Variants in HK2 observed in about 807,000 individuals in gnomAD.
HK2 encodes the protein hexokinase-2.
Under a neutral mutation model 92.9 loss-of-function variants are expected in HK2, and 42 were observed. The observed-to-expected ratio is 0.45, with a 90% confidence interval of 0.35 to 0.58. The LOEUF is 0.58. HK2 is among the 20% of genes least tolerant of loss of function. The probability of loss-of-function intolerance (pLI) is 0.00; values close to 1 mark genes in which losing one functional copy is unlikely to be tolerated. For synonymous variants in HK2, 422 were observed against 468.0 expected (o/e 0.90, Z 1.27); for missense variants, 978 against 1,245.1 (o/e 0.79, Z 3.23).
intron 12 of HK2, among the ~76,000 whole-genome samples, chr2:74,882,605 T>TTTATATATATATATATATATATA (rs1553449959): frequency 4.0e-5 from 3 of 75,736 alleles, no homozygotes; most frequent in Non-Finnish European, 6.1e-5. Context: ...TCTATTGAAC[T>TTTATATATATATATATATATATA]TATATATATA....
chr2:74,863,458 C>T (rs2103920527), intron 2 of HK2, among the ~76,000 whole-genome samples: 1 of 152,266 alleles, frequency 6.6e-6, no homozygotes, highest in Non-Finnish European at 1.5e-5. Context: ...TATGGCTGAG[C>T]TCTTGAATGG....
chr2:74,886,659 C>A lies in HK2; in HGVS notation c.2205C>A (p.Asn735Lys). The change falls in exon 15 of 18, where the codon AAC (asparagine) becomes AAA (lysine). Residue 735 changes from asparagine to lysine, a missense_variant. Coordinates refer to ENST00000290573, the MANE Select transcript of HK2 (RefSeq NM_000189.5). The part of the protein sequence containing the change: ...FDVAVDELSL[N>K]PGKQRFEKMI... ...TGGCTGTGGATGAGCTTTCACTCAA[C>A]CCCGGCAAGCAGAGGTAGGCACCCA... 1.2e-5 allele frequency: 20 copies of A among 1,613,862 alleles called. No individual in the cohort carries two copies. The highest frequency in any genetic ancestry group is 1.7e-5 in the Non-Finnish European group (20 of 1,179,962).
chr2:74,847,494 G>T (rs927421595), intron 1 of HK2, among the ~76,000 whole-genome samples: 1 of 152,000 alleles, frequency 6.6e-6, no homozygotes, highest in African/African-American at 2.4e-5. Context: ...TCTGGACAAC[G>T]CAGTGAGACT....
chr2:74,864,578 T>C (rs1336686159), intron 2 of HK2, among the ~76,000 whole-genome samples: 2 of 152,156 alleles, frequency 1.3e-5, no homozygotes, highest in East Asian at 3.8e-4. Flanking sequence ...GAGATCTCAG[T>C]TCACTGCAAC....
chr2:74,864,877 T>A (rs1483139817), intron 2 of HK2, among the ~76,000 whole-genome samples: 2 of 152,222 alleles, frequency 1.3e-5, no homozygotes, highest in East Asian at 3.8e-4. Context: ...CTGGGAGATG[T>A]CAGCATTATG....
chr2:74,866,083 A>T (rs1688941268), intron 2 of HK2, among the ~76,000 whole-genome samples: 1 of 151,850 alleles, frequency 6.6e-6, no homozygotes, highest in African/African-American at 2.4e-5. Context: ...CGCCTGACAC[A>T]CTTCTGGTTG....
At chr2:74,879,217 A>G (rs1330599108) in intron 9 of HK2, among the ~76,000 whole-genome samples, 1 of 151,562 alleles carries the variant, frequency 6.6e-6, no homozygotes, top group Non-Finnish European at 1.5e-5. Flanking sequence ...TCCTGTCTTT[A>G]CTCTTAGAAT....
chr2:74,869,712 T>A (rs1011468117), intron 3 of HK2, among the ~76,000 whole-genome samples: 1 of 152,240 alleles, frequency 6.6e-6, no homozygotes, highest in Non-Finnish European at 1.5e-5. Flanking sequence ...TGAGCCTTTT[T>A]ATGACAGGAA....
intron 3 of HK2, among the ~76,000 whole-genome samples, chr2:74,869,675 A>G (rs1221252814): frequency 6.6e-6 from 1 of 152,216 alleles, no homozygotes; most frequent in East Asian, 1.9e-4. Flanking sequence ...AAAGGAAACC[A>G]TTTTAACTTC....
At chr2:74,837,210 C>T (rs774720467) in intron 1 of HK2, among the ~76,000 whole-genome samples, 1 of 150,942 alleles carries the variant, frequency 6.6e-6, no homozygotes, top group Non-Finnish European at 1.5e-5. Flanking sequence ...CCAAGGTCTC[C>T]AGCTTTTCTG....
chr2:74,859,748 T>C (rs1254989437), intron 2 of HK2, among the ~76,000 whole-genome samples: 1 of 152,238 alleles, frequency 6.6e-6, no homozygotes, highest in Non-Finnish European at 1.5e-5. Context: ...GTACATCCTC[T>C]ATGGAAAACA....
intron 2 of HK2, among the ~76,000 whole-genome samples, chr2:74,866,020 G>A (rs1367859263): frequency 6.6e-6 from 1 of 152,066 alleles, no homozygotes; most frequent in East Asian, 1.9e-4. Flanking sequence ...AATAGTGGCC[G>A]GGGTTCTGGA....
chr2:74,875,654 T>A (rs1274824575), intron 7 of HK2, among the ~76,000 whole-genome samples: 1 of 152,162 alleles, frequency 6.6e-6, no homozygotes, highest in East Asian at 1.9e-4. Context: ...TGTCAAAGCA[T>A]GGTTTATTTA....
chr2:74,886,525 C>T lies in HK2; in HGVS notation c.2071C>T (p.Arg691Cys), dbSNP rs147295617. The change falls in exon 15 of 18, where the codon CGC (arginine) becomes TGC (cysteine). Residue 691 changes from arginine (R) to cysteine (C), a missense_variant. This residue lies in a region of HK2 where 742 missense variants were observed against 922.5 expected (regional missense o/e 0.80). Coordinates refer to ENST00000290573, the MANE Select transcript of HK2 (RefSeq NM_000189.5). ...GSNACYMEEMRNVELVEGEEG... is the reference protein window; with the variant it reads ...GSNACYMEEMCNVELVEGEEG... Reference sequence around the variant, plus strand: ...CAATGCCTGCTACATGGAGGAGATGCGCAACGTGGAACTGGTGGAAGGAGA... The same window carrying T: ...CAATGCCTGCTACATGGAGGAGATGTGCAACGTGGAACTGGTGGAAGGAGA... 126 of 1,613,842 alleles carry T rather than the reference C, an allele frequency of 7.8e-5. No individual in the cohort carries two copies. Among genetic ancestry groups the T allele is most frequent in the African/African-American group, 4.5e-4 (34 of 74,950 alleles).
chr2:74,867,507 T>TAG, intron 2 of HK2, 129 bp from the exon 3 acceptor site: 1 of 863,864 alleles, frequency 1.2e-6, no homozygotes, highest in Non-Finnish European at 2.0e-6. Flanking sequence ...GTAATGTCTG[T>TAG]AGAGGAGTGA....
intron 1 of HK2, among the ~76,000 whole-genome samples, chr2:74,840,137 T>C (rs1312541625): frequency 6.6e-6 from 1 of 151,532 alleles, no homozygotes; most frequent in East Asian, 1.9e-4. Flanking sequence ...TTTATATCTT[T>C]AGTAGAGATG....
intron 1 of HK2, among the ~76,000 whole-genome samples, chr2:74,848,096 T>C (rs370837644): frequency 6.6e-6 from 1 of 152,348 alleles, no homozygotes; most frequent in East Asian, 1.9e-4. Flanking sequence ...CTTTTCACAC[T>C]GCTGTCTCTA....
intron 2 of HK2, among the ~76,000 whole-genome samples, chr2:74,858,437 A>G (rs1464212557): frequency 6.6e-6 from 1 of 152,140 alleles, no homozygotes; most frequent in Non-Finnish European, 1.5e-5. Context: ...AGAGCGATTT[A>G]TGATGTGATC....
At chr2:74,854,568 G>A (rs1688651063) in intron 2 of HK2, 113 bp downstream of exon 2, 4 of 1,128,938 alleles carry the variant, frequency 3.5e-6, no homozygotes, top group Non-Finnish European at 5.3e-6. Flanking sequence ...CTGGCTAAGG[G>A]AAGCATCCAG....
Sources: gnomAD v4.1 joint callset for allele counts (sites outside exome capture counted in the v4.1 genomes callset) on GRCh38, gnomAD v4.1.1 for gene constraint, gnomAD v4.1.1 regional missense constraint, MANE v1.5 for transcripts, NCBI Gene and HGNC (gene_info 2026-07-23, HGNC 2026-07-21) for gene names.